WNK2: variants seen among roughly 807,000 people sequenced by gnomAD.
The protein encoded by WNK2 is WNK lysine deficient protein kinase 2, also known as serine/threonine-protein kinase WNK2.
In WNK2, 67 loss-of-function variants were observed where a neutral mutation model predicts 192.1. The observed-to-expected ratio is 0.35, with a 90% CI of 0.29 to 0.43. WNK2 has a LOEUF of 0.43. Among genes scored for constraint, WNK2 ranks in the 20% least tolerant of loss-of-function variants. WNK2 has a pLI of 1.00. For missense variants in WNK2, 2,698 were observed against 3,089.7 expected, an observed-to-expected ratio of 0.87 and a Z score of 3.01; for synonymous variants, 1,439 against 1,393.9, an observed-to-expected ratio of 1.03 and a Z score of -0.72.
chr9:93,185,893 G>C (rs1223250280), intron 2 of WNK2, among the ~76,000 whole-genome samples: 2 of 152,236 alleles, frequency 1.3e-5, no homozygotes, highest in Non-Finnish European at 2.9e-5. Context: ...TGTGGGCGTA[G>C]AGAGGGTCCT....
chr9:93,298,012 A>C lies in WNK2; in HGVS notation c.5868A>C (p.Ala1956=). ...RRKTSKSKLK[A]GKLLNPLVRQ... is the part of the protein sequence containing the mutation. ...AAACCAGCAAGAGCAAGCTGAAGGC[A>C]GGCAAGCTGCTAAATCCCCTGGTGC... Residue 1956 remains alanine (A), a synonymous_variant, in exon 24 of 30, where the codon GCA becomes GCC. Transcript: ENST00000427277. 1 of 1,556,834 alleles carries C rather than the reference A, an allele frequency of 6.4e-7. No homozygotes were observed. Among genetic ancestry groups the C allele is most frequent in the Non-Finnish European group, 8.7e-7 (1 of 1,151,088 alleles).
At chr9:93,300,276 A>G in intron 26 of WNK2, 127 bp downstream of exon 26, 1 of 732,970 alleles carries the variant, frequency 1.4e-6, no homozygotes, top group South Asian at 1.7e-5. Flanking sequence ...GAAGTCACCT[A>G]TTTAATATCA....
rs1829141635 is a variant in WNK2 at position 93,185,619 on chromosome 9, G to A, written c.681+9G>A. On this transcript the variant is annotated intron_variant, in intron 2 of 29. Coordinates refer to ENST00000427277, the MANE Select transcript of WNK2 (RefSeq NM_006648.4). Reference sequence around the variant, plus strand: ...CCTGGTGTGAGCTGCAGGTGAGGGTGCCCCAGCCCGCAGGGGGCTTTCCGC... The same window carrying A: ...CCTGGTGTGAGCTGCAGGTGAGGGTACCCCAGCCCGCAGGGGGCTTTCCGC... The A allele has an allele frequency of 6.2e-7, 1 of 1,604,302 alleles. No homozygotes were observed. The highest frequency in any genetic ancestry group is 8.5e-7 in the Non-Finnish European group (1 of 1,175,728).
intron 26 of WNK2, chr9:93,300,388 C>T (rs1002585072): frequency 1.8e-5 from 7 of 387,988 alleles, no homozygotes; most frequent in African/African-American, 6.2e-5. Context: ...TGCCTGGGCA[C>T]GGAAAGCATG....
intron 24 of WNK2, 54 bp downstream of exon 24, chr9:93,298,121 G>A: frequency 1.3e-6 from 2 of 1,532,908 alleles, no homozygotes; most frequent in South Asian, 2.4e-5. Flanking sequence ...ACCCCCGAGT[G>A]AGCCTGGGAG....
At position 93,184,242 on chromosome 9, in the gene WNK2, C is replaced by A. The variant is rs1270487740; in HGVS notation, c.-146C>A. Reference sequence around the variant, plus strand: ...GCAGTGGCCCGGCCCGAGAGAGCAGCGCGCAGGAGCTGGAGCGGCGCCACG... The same window carrying A: ...GCAGTGGCCCGGCCCGAGAGAGCAGAGCGCAGGAGCTGGAGCGGCGCCACG... On this transcript the variant is annotated 5_prime_UTR_variant, in exon 1 of 30. Transcript: ENST00000427277. Among the ~76,000 whole-genome samples the A allele has an allele frequency of 3.3e-5, 5 of 150,818 alleles. No homozygotes were observed. Among genetic ancestry groups the A allele is most frequent in the Non-Finnish European group, 7.4e-5 (5 of 67,592 alleles).
At chr9:93,188,619 C>A (rs1217483580) in intron 2 of WNK2, among the ~76,000 whole-genome samples, 1 of 152,224 alleles carries the variant, frequency 6.6e-6, no homozygotes, top group Non-Finnish European at 1.5e-5. Context: ...CCGCCTTCCT[C>A]CTTGCCCACA....
chr9:93,211,356 A>T (rs1003457089), intron 2 of WNK2, among the ~76,000 whole-genome samples: 9 of 146,044 alleles, frequency 6.2e-5, no homozygotes, highest in African/African-American at 2.3e-4. Flanking sequence ...TCACTCATCT[A>T]CTCACTCATC....
intron 3 of WNK2, 93 bp from the exon 4 acceptor site, chr9:93,230,795 T>C: frequency 1.7e-6 from 2 of 1,172,152 alleles, no homozygotes; most frequent in Non-Finnish European, 2.4e-6. Flanking sequence ...GGAATGGACT[T>C]TGTACCAGGC....
intron 23 of WNK2, among the ~76,000 whole-genome samples, chr9:93,293,636 T>G (rs1483300688): frequency 6.6e-6 from 1 of 152,058 alleles, no homozygotes; most frequent in East Asian, 1.9e-4. Flanking sequence ...TGGTTTTGAG[T>G]AGACAGTCTC....
intron 23 of WNK2, among the ~76,000 whole-genome samples, chr9:93,295,259 C>G (rs1049670257): frequency 6.6e-5 from 10 of 152,078 alleles, no homozygotes; most frequent in Admixed American, 5.2e-4. Flanking sequence ...TGGATAAGCT[C>G]CAGCCTGGAT....
intron 2 of WNK2, among the ~76,000 whole-genome samples, chr9:93,214,179 G>A (rs1427524144): frequency 1.3e-5 from 2 of 152,024 alleles, no homozygotes; most frequent in Non-Finnish European, 2.9e-5. Flanking sequence ...CCCATTTGCT[G>A]CCACTGCTGT....
At chr9:93,208,557 T>C (rs1335050450) in intron 2 of WNK2, among the ~76,000 whole-genome samples, 1 of 134,628 alleles carries the variant, frequency 7.4e-6, no homozygotes, top group Non-Finnish European at 1.6e-5. Context: ...TGTGTGCACG[T>C]GTTTTGCACA....
intron 24 of WNK2, 135 bp from the exon 25 acceptor site, chr9:93,298,935 A>G (rs1364242677): frequency 1.1e-6 from 1 of 875,986 alleles, no homozygotes; most frequent in Non-Finnish European, 1.7e-6. Flanking sequence ...AGATGTGGCC[A>G]TGTGCCTGTG....
chr9:93,186,758 G>A (rs548973415), intron 2 of WNK2, among the ~76,000 whole-genome samples: 1 of 152,280 alleles, frequency 6.6e-6, no homozygotes, highest in Admixed American at 6.5e-5. Context: ...TCGACCTGTC[G>A]TCAGCCTTTC....
At chr9:93,249,537 G>C (rs201167426) in intron 8 of WNK2, among the ~76,000 whole-genome samples, 29 of 152,114 alleles carry the variant, frequency 1.9e-4, no homozygotes, top group Non-Finnish European at 4.0e-4. Flanking sequence ...GCAGTGGCGC[G>C]ATCTCGGCTC....
chr9:93,208,751 G>GTTT, intron 2 of WNK2, among the ~76,000 whole-genome samples: 1 of 38,312 alleles, frequency 2.6e-5, no homozygotes, highest in African/African-American at 1.2e-4. Context: ...GTTCATGTGT[G>GTTT]TGCGCATGTC....
intron 2 of WNK2, among the ~76,000 whole-genome samples, chr9:93,189,159 A>G (rs534326815): frequency 6.6e-6 from 1 of 152,198 alleles, no homozygotes; most frequent in Non-Finnish European, 1.5e-5. Context: ...GGGGACCTGG[A>G]GTAAGCTTGG....
At position 93,289,960 on chromosome 9, in the gene WNK2, T is replaced by G; in HGVS notation, c.4867-18T>G. 6.4e-7 allele frequency: 1 copy of G among 1,555,862 alleles called. No homozygotes were observed. The highest frequency in any genetic ancestry group is 8.7e-7 in the Non-Finnish European group (1 of 1,149,092). On this transcript the variant is annotated intron_variant, in intron 20 of 29. Transcript: ENST00000427277. ...TGTGAGTCTCACGGCTCTTCTCTTT[T>G]TGTGTTTCTTTCTCCAGGTGGAGAA...
Sources: allele counts gnomAD v4.1 joint callset (sites outside exome capture counted in the v4.1 genomes callset), GRCh38; gene constraint gnomAD v4.1.1; transcripts MANE v1.5; gene names NCBI Gene and HGNC (gene_info 2026-07-23, HGNC 2026-07-21).